Variants in GSTCD observed in about 807,000 individuals in gnomAD.
The protein encoded by GSTCD is glutathione S-transferase C-terminal domain-containing protein.
Under a neutral mutation model 68.3 loss-of-function variants are expected in GSTCD, and 44 were observed. That is an observed-to-expected ratio of 0.64 (90% confidence interval 0.51 to 0.83). The LOEUF is 0.83. Among genes scored for constraint, GSTCD ranks in the 40% least tolerant of loss-of-function variants. GSTCD has a pLI of 0.00. For synonymous variants in GSTCD, 273 were observed against 255.2 expected (o/e 1.07, Z -0.67); for missense variants, 739 against 735.9 (o/e 1.00, Z -0.05).
rs576544687 is a variant in GSTCD at position 105,838,209 on chromosome 4, A to G, written c.1695+320A>G. ...GTTGCTCATGGCAATAGTGGTAGCC[A>G]CAATACCATTGTTTTCACACTGACT... On this transcript the variant is annotated intron_variant, in intron 10 of 11. Transcript: ENST00000515279. 8.5e-5 allele frequency among the ~76,000 whole-genome samples: 13 copies of G among 152,342 alleles called. No individual in the cohort carries two copies. The South Asian group carries it at 2.7e-3, about 32-fold the overall frequency.
At chr4:105,722,274 C>G (rs1732881314) in intron 3 of GSTCD, among the ~76,000 whole-genome samples, 1 of 152,006 alleles carries the variant, frequency 6.6e-6, no homozygotes, top group African/African-American at 2.4e-5. Flanking sequence ...TTCCTGTGTT[C>G]CCATCGGCAT....
chr4:105,837,596 TC>T (rs942232904), intron 9 of GSTCD, among the ~76,000 whole-genome samples: 4 of 152,164 alleles, frequency 2.6e-5, no homozygotes, highest in African/African-American at 9.7e-5. Context: ...ATCTTAGTGT[TC>T]CCATGAGGGA....
intron 5 of GSTCD, among the ~76,000 whole-genome samples, chr4:105,787,271 G>A (rs1360023266): frequency 6.6e-6 from 1 of 152,038 alleles, no homozygotes; most frequent in Non-Finnish European, 1.5e-5. Context: ...TAGTTCAGTA[G>A]ATCTAAGGTA....
chr4:105,777,591 A>G (rs1296495206), intron 5 of GSTCD, among the ~76,000 whole-genome samples: 2 of 152,140 alleles, frequency 1.3e-5, no homozygotes, highest in South Asian at 2.1e-4. Context: ...TTTCTCCTCC[A>G]TGAGACTGCT....
chr4:105,777,296 A>T (rs112852675), intron 5 of GSTCD, among the ~76,000 whole-genome samples: 1 of 151,466 alleles, frequency 6.6e-6, no homozygotes, highest in African/African-American at 2.4e-5. Context: ...ATGTGTGTGT[A>T]TATATATATA....
At chr4:105,814,847 G>A (rs569959894) in intron 5 of GSTCD, among the ~76,000 whole-genome samples, 2 of 152,054 alleles carry the variant, frequency 1.3e-5, no homozygotes, top group East Asian at 3.9e-4. Flanking sequence ...TTACAGTTAG[G>A]CCTGTAAAGT....
intron 5 of GSTCD, among the ~76,000 whole-genome samples, chr4:105,781,512 C>A (rs967676019): frequency 2.0e-5 from 3 of 151,944 alleles, no homozygotes; most frequent in Non-Finnish European, 4.4e-5. Flanking sequence ...TAGCCTTAGC[C>A]TCGCAAAGTG....
At chr4:105,722,227 T>C (rs1219259625) in intron 3 of GSTCD, among the ~76,000 whole-genome samples, 1 of 152,042 alleles carries the variant, frequency 6.6e-6, no homozygotes, top group Non-Finnish European at 1.5e-5. Flanking sequence ...ATCATTCCTC[T>C]TTTAGAAATT....
At chr4:105,749,560 A>G (rs1733934893) in intron 5 of GSTCD, among the ~76,000 whole-genome samples, 1 of 151,868 alleles carries the variant, frequency 6.6e-6, no homozygotes, top group South Asian at 2.1e-4. Flanking sequence ...CAATGGAAGA[A>G]GGATAGTCTT....
intron 5 of GSTCD, among the ~76,000 whole-genome samples, chr4:105,794,328 G>A (rs1379339992): frequency 2.6e-5 from 4 of 151,910 alleles, no homozygotes; most frequent in Non-Finnish European, 5.9e-5. Flanking sequence ...TACTACAATG[G>A]TAGATATATG....
chr4:105,761,052 G>C, intron 5 of GSTCD: 1 of 250,414 alleles, frequency 4.0e-6, no homozygotes, highest in African/African-American at 2.7e-5. Context: ...CACTCAGGCT[G>C]GAATGCAGTG....
chr4:105,714,288 A>G (rs1037462956), intron 1 of GSTCD, among the ~76,000 whole-genome samples: 3 of 152,150 alleles, frequency 2.0e-5, no homozygotes, highest in African/African-American at 7.2e-5. Context: ...AAGCTGAGAA[A>G]GAGTAAATTA....
At chr4:105,837,977 C>A in intron 10 of GSTCD, 88 bp downstream of exon 10, 1 of 497,368 alleles carries the variant, frequency 2.0e-6, no homozygotes, top group Non-Finnish European at 3.5e-6. Flanking sequence ...AGTAAATAAT[C>A]TATAGTTATA....
chr4:105,730,779 C>G (rs1040696912), intron 5 of GSTCD, among the ~76,000 whole-genome samples: 3 of 151,956 alleles, frequency 2.0e-5, no homozygotes, highest in African/African-American at 4.8e-5. Flanking sequence ...GGCTTTTGTT[C>G]CCATTGCTTT....
chr4:105,840,083 C>T (rs1180680186), intron 10 of GSTCD: 1 of 379,762 alleles, frequency 2.6e-6, no homozygotes, highest in African/African-American at 2.1e-5. Flanking sequence ...GAGTACCTAC[C>T]ATGTGCCTTG....
At chr4:105,757,782 C>G (rs1394061886) in intron 5 of GSTCD, among the ~76,000 whole-genome samples, 2 of 151,996 alleles carry the variant, frequency 1.3e-5, no homozygotes, top group African/African-American at 4.8e-5. Flanking sequence ...TCCCTTGATT[C>G]TATATTAAAA....
At chr4:105,790,360 A>T (rs1372983676) in intron 5 of GSTCD, among the ~76,000 whole-genome samples, 2 of 152,168 alleles carry the variant, frequency 1.3e-5, no homozygotes, top group Non-Finnish European at 2.9e-5. Context: ...AATATGATTT[A>T]AAAATGTGAA....
chr4:105,710,593 A>G (rs755408831), intron 1 of GSTCD, among the ~76,000 whole-genome samples: 1 of 152,090 alleles, frequency 6.6e-6, no homozygotes, highest in Non-Finnish European at 1.5e-5. Flanking sequence ...ATTTTTAAAT[A>G]AAAATAAATA....
At chr4:105,793,490 CT>C (rs1735755205) in intron 5 of GSTCD, among the ~76,000 whole-genome samples, 1 of 151,126 alleles carries the variant, frequency 6.6e-6, no homozygotes, top group African/African-American at 2.4e-5. Flanking sequence ...CTGGAATTTT[CT>C]TTAAGATTAA....
Sources: allele counts gnomAD v4.1 joint callset (sites outside exome capture counted in the v4.1 genomes callset), GRCh38; gene constraint gnomAD v4.1.1; transcripts MANE v1.5; gene names NCBI Gene and HGNC (gene_info 2026-07-23, HGNC 2026-07-21).